RDX: variants seen among roughly 807,000 people sequenced by gnomAD.
RDX encodes the protein radixin, also known as deafness, autosomal recessive 24.
Under a neutral mutation model 83.7 loss-of-function variants are expected in RDX, and 32 were observed. The observed-to-expected ratio is 0.38, with a 90% confidence interval of 0.29 to 0.51. The LOEUF is 0.51. Among genes scored for constraint, RDX ranks in the 20% least tolerant of loss-of-function variants. The probability of loss-of-function intolerance (pLI) is 0.87; values close to 1 mark genes in which losing one functional copy is unlikely to be tolerated. For missense variants in RDX, 600 were observed against 689.9 expected, an observed-to-expected ratio of 0.87 and a Z score of 1.46; for synonymous variants, 229 against 222.7, an observed-to-expected ratio of 1.03 and a Z score of -0.25.
intron 3 of RDX, among the ~76,000 whole-genome samples, chr11:110,270,810 A>C (rs761490283): frequency 3.9e-5 from 6 of 152,256 alleles, no homozygotes; most frequent in Non-Finnish European, 8.8e-5. Context: ...TTTATTTCTC[A>C]GTATACAATA....
intron 2 of RDX, among the ~76,000 whole-genome samples, chr11:110,278,099 T>C (rs1210302192): frequency 6.6e-6 from 1 of 152,214 alleles, no homozygotes; most frequent in Non-Finnish European, 1.5e-5. Flanking sequence ...ATCTAATGAA[T>C]ACATATGTGT....
chr11:110,262,264 T>C lies in RDX; in HGVS notation c.467+1696A>G, dbSNP rs115957573. On this transcript the variant is annotated intron_variant, in intron 5 of 13. Coordinates refer to ENST00000645495, the MANE Select transcript of RDX (RefSeq NM_002906.4). ...AAGGTGACTACTATTGCTACAAAATTAAAGGGCGGAACACTGTGACATTTA... is the reference window on the plus strand; with the variant it reads ...AAGGTGACTACTATTGCTACAAAATCAAAGGGCGGAACACTGTGACATTTA... Among the ~76,000 whole-genome samples the C allele has an allele frequency of 1.9e-3, 284 of 152,304 alleles. 2 individuals are homozygous for C. Among genetic ancestry groups the C allele is most frequent in the African/African-American group, 6.5e-3 (271 of 41,568 alleles).
intron 15 of RDX, among the ~76,000 whole-genome samples, chr11:110,176,117 G>A (rs568625263): frequency 2.7e-5 from 4 of 146,190 alleles, no homozygotes; most frequent in South Asian, 2.2e-4. Context: ...GCAGAGTCTC[G>A]CTCTGTTGCC....
At chr11:110,196,560 G>A (rs1863215778) in intron 15 of RDX, among the ~76,000 whole-genome samples, 1 of 152,196 alleles carries the variant, frequency 6.6e-6, no homozygotes, top group Non-Finnish European at 1.5e-5. Context: ...ACACCTTAGT[G>A]ACGTGAATCC....
intron 14 of RDX, among the ~76,000 whole-genome samples, chr11:110,218,046 A>G (rs988943569): frequency 7.2e-5 from 11 of 152,194 alleles, no homozygotes; most frequent in African/African-American, 2.7e-4. Flanking sequence ...CGTGGAGCCT[A>G]TTTACTATAG....
chr11:110,211,323 G>T (rs1436050737), intron 14 of RDX, among the ~76,000 whole-genome samples: 1 of 152,058 alleles, frequency 6.6e-6, no homozygotes, highest in East Asian at 1.9e-4. Flanking sequence ...GGAGCACCAA[G>T]ATTCATAAAG....
At chr11:110,247,089 T>C (rs1859142612) in intron 10 of RDX, among the ~76,000 whole-genome samples, 1 of 152,230 alleles carries the variant, frequency 6.6e-6, no homozygotes, top group Admixed American at 6.5e-5. Context: ...AGTTACTTAA[T>C]ATAAACCACA....
chr11:110,247,690 A>G lies in RDX; in HGVS notation c.1090+13T>C. The stretch of plus-strand genomic sequence containing the variant: ...AATAATTTTTAATCCATTTTCAAAA[A>G]AGAAACTTTTACCTTTCTGAGCTTT... On this transcript the variant is annotated intron_variant, in intron 10 of 13. Transcript: ENST00000645495. 6.2e-7 allele frequency: 1 copy of G among 1,609,312 alleles called. No individual in the cohort carries two copies. The highest frequency in any genetic ancestry group is 8.5e-7 in the Non-Finnish European group (1 of 1,178,902).
chr11:110,183,666 C>T (rs1327735430), intron 15 of RDX, among the ~76,000 whole-genome samples: 1 of 152,184 alleles, frequency 6.6e-6, no homozygotes, highest in East Asian at 1.9e-4. Flanking sequence ...TTACAAATAA[C>T]ACTCAGATGA....
At chr11:110,276,936 C>A (rs1230790985) in intron 2 of RDX, among the ~76,000 whole-genome samples, 2 of 152,170 alleles carry the variant, frequency 1.3e-5, no homozygotes, top group Non-Finnish European at 2.9e-5. Context: ...TATAGAAATA[C>A]AAATGTTTTA....
intron 14 of RDX, among the ~76,000 whole-genome samples, chr11:110,207,550 G>T (rs1863650831): frequency 6.6e-6 from 1 of 152,118 alleles, no homozygotes; most frequent in Non-Finnish European, 1.5e-5. Flanking sequence ...TTTAACTCAG[G>T]AGGCTCGTTG....
intron 1 of RDX, among the ~76,000 whole-genome samples, chr11:110,295,698 G>A (rs893284529): frequency 6.0e-5 from 9 of 150,598 alleles, no homozygotes; most frequent in African/African-American, 1.9e-4. Context: ...TCCGGGAATT[G>A]AGTTTAGAAT....
rs35818124 is a variant in RDX at position 110,263,278 on chromosome 11, C to CG, written c.467+681dup. 7.3e-3 allele frequency: 1,103 copies of CG among 150,818 alleles called. 9 individuals are homozygous for CG. Among genetic ancestry groups the CG allele is most frequent in the East Asian group, 0.022 (113 of 5,098 alleles). 9.3% of individuals were successfully genotyped at this position (150,818 alleles called of 1,614,324 possible). ...TGGGTGACAGAGTGAGGCTCTATCTCGGGGGGGGAAAAAGTCAGAGAATTC... is the reference window on the plus strand; with the variant it reads ...TGGGTGACAGAGTGAGGCTCTATCTCGGGGGGGGGAAAAAGTCAGAGAATTC... On this transcript the variant is annotated intron_variant, in intron 5 of 13. Coordinates refer to ENST00000645495, the MANE Select transcript of RDX (RefSeq NM_002906.4).
At chr11:110,242,925 G>A (rs1014629623) in intron 10 of RDX, among the ~76,000 whole-genome samples, 1 of 151,758 alleles carries the variant, frequency 6.6e-6, no homozygotes, top group Admixed American at 6.6e-5. Flanking sequence ...ATTTGTTTAG[G>A]TATTATAGTA....
At chr11:110,208,753 T>G (rs1863697607) in intron 14 of RDX, among the ~76,000 whole-genome samples, 1 of 152,114 alleles carries the variant, frequency 6.6e-6, no homozygotes, top group African/African-American at 2.4e-5. Flanking sequence ...GGCCAGGAGT[T>G]CAAGACCACC....
chr11:110,271,878 G>A lies in RDX; in HGVS notation c.96+658C>T, dbSNP rs540531295. Among the ~76,000 whole-genome samples the A allele has an allele frequency of 2.0e-5, 3 of 152,224 alleles. No individual in the cohort carries two copies. In the South Asian group the frequency reaches 6.2e-4, roughly 32 times the overall value. ...CCAAAAATCCAAAATCCTAAATGCT[G>A]CAAAATCTGAAACCTCTTCAGTACC... On this transcript the variant is annotated intron_variant, in intron 3 of 13. Transcript: ENST00000645495.
chr11:110,179,695 C>T (rs1862842162), intron 15 of RDX, among the ~76,000 whole-genome samples: 1 of 152,046 alleles, frequency 6.6e-6, no homozygotes, highest in African/African-American at 2.4e-5. Context: ...ATCACTTGAA[C>T]CCAGAGGCAG....
chr11:110,291,222 G>C (rs796877774), intron 1 of RDX, among the ~76,000 whole-genome samples: 1 of 152,112 alleles, frequency 6.6e-6, no homozygotes, highest in South Asian at 2.1e-4. Flanking sequence ...CTACTCCAGA[G>C]GCTGAGGTGG....
intron 9 of RDX, 110 bp downstream of exon 9, chr11:110,253,836 T>G: frequency 1.1e-6 from 1 of 897,854 alleles, no homozygotes; most frequent in South Asian, 1.5e-5. Context: ...TTTAATATAA[T>G]GAAAATATTA....
Sources: allele counts gnomAD v4.1 joint callset (sites outside exome capture counted in the v4.1 genomes callset), GRCh38; gene constraint gnomAD v4.1.1; transcripts MANE v1.5; gene names NCBI Gene and HGNC (gene_info 2026-07-23, HGNC 2026-07-21).